Variants in KIF26B observed in about 807,000 individuals in gnomAD.
The protein encoded by KIF26B is kinesin family member 26B.
Under a neutral mutation model 151.2 loss-of-function variants are expected in KIF26B, and 63 were observed. That is an observed-to-expected ratio of 0.42 (90% CI 0.34 to 0.51). The LOEUF is 0.51. Among genes scored for constraint, KIF26B ranks in the 20% least tolerant of loss-of-function variants. The pLI is 0.07. For missense variants in KIF26B, 2,813 were observed against 2,913.6 expected, an observed-to-expected ratio of 0.97 and a Z score of 0.79; for synonymous variants, 1,357 against 1,262.1, an observed-to-expected ratio of 1.08 and a Z score of -1.59.
At chr1:245,510,044 G>A (rs1180825796) in intron 4 of KIF26B, among the ~76,000 whole-genome samples, 1 of 152,152 alleles carries the variant, frequency 6.6e-6, no homozygotes, top group Non-Finnish European at 1.5e-5. Context: ...CAGTGGAGTG[G>A]GGCATGCGAA....
intron 2 of KIF26B, among the ~76,000 whole-genome samples, chr1:245,297,201 G>T (rs1022586562): frequency 5.3e-5 from 8 of 152,130 alleles, no homozygotes; most frequent in Non-Finnish European, 8.8e-5. Context: ...AAATTAGCCG[G>T]TCGTGGTGGC....
At chr1:245,398,768 T>G (rs989372430) in intron 3 of KIF26B, among the ~76,000 whole-genome samples, 1 of 151,134 alleles carries the variant, frequency 6.6e-6, no homozygotes, top group Non-Finnish European at 1.5e-5. Flanking sequence ...TAAAATAAAA[T>G]TTTTATAAAA....
At chr1:245,642,606 T>TGCCA in intron 9 of KIF26B, among the ~76,000 whole-genome samples, 1 of 147,866 alleles carries the variant, frequency 6.8e-6, no homozygotes, top group Non-Finnish European at 1.5e-5. Context: ...CTGGCATACC[T>TGCCA]GCCACATTGG....
Position 245,170,255 on chromosome 1 carries a change from C to T in KIF26B, c.465+13572C>T, listed in dbSNP as rs1274135192. 2.0e-5 allele frequency among the ~76,000 whole-genome samples: 3 copies of T among 152,168 alleles called. No homozygotes were observed. Among genetic ancestry groups the T allele is most frequent in the South Asian group, 2.1e-4 (1 of 4,822 alleles). The stretch of plus-strand genomic sequence containing the variant: ...CACAGGGAGCACAGAGTAAGAGCAG[C>T]GCCTTCACCTCGGTGGAGCTTAGTC... On this transcript the variant is annotated intron_variant, in intron 2 of 14. Transcript: ENST00000407071. This position sits in a 1 kb window ranked among gnomAD's most constrained non-coding sequence, Gnocchi z 4.4.
chr1:245,404,139 GTGT>G (rs1229946266), intron 3 of KIF26B, among the ~76,000 whole-genome samples: 1 of 152,092 alleles, frequency 6.6e-6, no homozygotes, highest in Non-Finnish European at 1.5e-5. Flanking sequence ...CTGAGCTGAG[GTGT>G]TGTTGCTGCT....
intron 2 of KIF26B, among the ~76,000 whole-genome samples, chr1:245,237,763 T>C (rs913144721): frequency 2.0e-5 from 3 of 152,180 alleles, no homozygotes; most frequent in Admixed American, 6.5e-5. Context: ...GTTCCACACC[T>C]GTAATCCCAG....
intron 4 of KIF26B, among the ~76,000 whole-genome samples, chr1:245,492,105 C>T (rs1660419503): frequency 6.6e-6 from 1 of 152,152 alleles, no homozygotes; most frequent in South Asian, 2.1e-4. Context: ...GTGCCCAGGC[C>T]CTTCCTGATG....
chr1:245,259,414 G>T (rs1238167295), intron 2 of KIF26B, among the ~76,000 whole-genome samples: 2 of 152,156 alleles, frequency 1.3e-5, no homozygotes, highest in African/African-American at 2.4e-5. Flanking sequence ...ACCAGGCAGG[G>T]TTGTGAGGGC....
chr1:245,366,702 C>T (rs1672961651), intron 2 of KIF26B, 132 bp from the exon 3 acceptor site: 4 of 784,858 alleles, frequency 5.1e-6, no homozygotes, highest in East Asian at 5.4e-5. Context: ...CTTCTCATTT[C>T]TGTGGAATGC....
intron 2 of KIF26B, among the ~76,000 whole-genome samples, chr1:245,363,744 C>T (rs536110784): frequency 1.3e-5 from 2 of 152,308 alleles, no homozygotes; most frequent in South Asian, 2.1e-4. Flanking sequence ...AGCCAGCAAC[C>T]GCATTTTCAT....
chr1:245,301,840 T>G (rs1671433763), intron 2 of KIF26B, among the ~76,000 whole-genome samples: 1 of 152,202 alleles, frequency 6.6e-6, no homozygotes, highest in Non-Finnish European at 1.5e-5. Context: ...TATTTATCAA[T>G]AAGTGTGAAG....
At chr1:245,376,591 G>A (rs927351411) in intron 3 of KIF26B, among the ~76,000 whole-genome samples, 13 of 152,212 alleles carry the variant, frequency 8.5e-5, no homozygotes, top group African/African-American at 2.9e-4. Context: ...AACAATGAAT[G>A]TGTGTGGATA....
chr1:245,670,245 C>CAT (rs10584392), intron 10 of KIF26B, among the ~76,000 whole-genome samples: 5,348 of 134,298 alleles, frequency 0.04, 126 homozygotes, highest in Admixed American at 0.059. Context: ...TGTGTATATC[C>CAT]ATATATATAT....
At chr1:245,462,436 T>A (rs138954491) in intron 4 of KIF26B, among the ~76,000 whole-genome samples, 99 of 152,310 alleles carry the variant, frequency 6.5e-4, no homozygotes, top group African/African-American at 2.0e-3. Flanking sequence ...CCTAGCGCAT[T>A]TAGACTGGGC....
intron 4 of KIF26B, among the ~76,000 whole-genome samples, chr1:245,500,355 AC>A (rs1354644567): frequency 6.6e-6 from 1 of 152,174 alleles, no homozygotes; most frequent in Non-Finnish European, 1.5e-5. Flanking sequence ...CTGAAATAAG[AC>A]TCATTTGTAA....
chr1:245,350,136 C>T (rs935147249), intron 2 of KIF26B, among the ~76,000 whole-genome samples: 13 of 151,980 alleles, frequency 8.6e-5, no homozygotes, highest in Admixed American at 8.5e-4. Context: ...CTGGAGTTGT[C>T]CGGGTTGGTG....
rs2147971732 is a variant in KIF26B, at chr1:245,702,024, G to GTCCTT, written c.6179-431_6179-427dup. Reference sequence around the variant, plus strand: ...GGCATCTGGGTTATAATCCAGAAACGTCCTTTCATATAAGGAAGCAGAGGT... The same window carrying GTCCTT: ...GGCATCTGGGTTATAATCCAGAAACGTCCTTTCCTTTCATATAAGGAAGCAGAGGT... On this transcript the variant is annotated intron_variant, in intron 14 of 14. Transcript: ENST00000407071. The surrounding 1 kb of genome is among the most constrained non-coding windows in gnomAD (Gnocchi z 4.1). Among the ~76,000 whole-genome samples the GTCCTT allele has an allele frequency of 6.6e-6, 1 of 152,320 alleles. No individual in the cohort carries two copies. Among genetic ancestry groups the GTCCTT allele is most frequent in the East Asian group, 1.9e-4 (1 of 5,182 alleles).
At chr1:245,222,619 G>A (rs560779820) in intron 2 of KIF26B, among the ~76,000 whole-genome samples, 119 of 152,232 alleles carry the variant, frequency 7.8e-4, no homozygotes, top group South Asian at 1.2e-3. Context: ...TGAGCCTGAG[G>A]TTGAATTACA....
rs1435966839 is a variant in KIF26B at position 245,609,250 on chromosome 1, T to C, written c.1652-16T>C. 6.3e-7 allele frequency: 1 copy of C among 1,583,402 alleles called. No homozygotes were observed. Among genetic ancestry groups the C allele is most frequent in the Non-Finnish European group, 8.6e-7 (1 of 1,161,868 alleles). ...GGACACTGAACCTGCTTTTCTTCCT[T>C]CCCTGGTTCTCCCAGGAAAATCCTA... On this transcript the variant is annotated splice_polypyrimidine_tract_variant and intron_variant, in intron 7 of 14. Coordinates refer to ENST00000407071, the MANE Select transcript of KIF26B (RefSeq NM_018012.4).
Sources: gnomAD v4.1 joint callset for allele counts (sites outside exome capture counted in the v4.1 genomes callset) on GRCh38, gnomAD v4.1.1 for gene constraint, Gnocchi (gnomAD v3.1) non-coding constraint, MANE v1.5 for transcripts, NCBI Gene and HGNC (gene_info 2026-07-23, HGNC 2026-07-21) for gene names.